The following ARHGAP31 variants were observed in gnomAD, a reference collection of about 807,000 sequenced individuals.
ARHGAP31 encodes the protein Rho GTPase activating protein 31, also known as rho GTPase-activating protein 31.
A neutral mutation model predicts 113.9 loss-of-function variants in ARHGAP31; 34 were observed. The ratio of observed to expected loss-of-function variants is 0.30; its 90% CI spans 0.23 to 0.40. The LOEUF is 0.40. Among genes scored for constraint, ARHGAP31 ranks in the 10% least tolerant of loss-of-function variants. ARHGAP31 has a pLI of 1.00. For synonymous variants in ARHGAP31, 650 were observed against 684.8 expected, an observed-to-expected ratio of 0.95 and a Z score of 0.79; for missense variants, 1,548 against 1,767.1, an observed-to-expected ratio of 0.88 and a Z score of 2.22.
intron 6 of ARHGAP31, among the ~76,000 whole-genome samples, chr3:119,386,757 T>A (rs982701330): frequency 1.3e-5 from 2 of 152,114 alleles, no homozygotes; most frequent in Non-Finnish European, 2.9e-5. Context: ...AGAATGTGAG[T>A]CACCTCCAAC....
At chr3:119,407,721 G>C (rs1401658518) in intron 10 of ARHGAP31, among the ~76,000 whole-genome samples, 1 of 152,198 alleles carries the variant, frequency 6.6e-6, no homozygotes, top group Non-Finnish European at 1.5e-5. Context: ...GGTTTGTCTT[G>C]AAGAATGGGT....
chr3:119,352,464 G>A (rs1284899329), intron 1 of ARHGAP31, among the ~76,000 whole-genome samples: 1 of 152,172 alleles, frequency 6.6e-6, no homozygotes, highest in Non-Finnish European at 1.5e-5. Context: ...AGAAATTTCA[G>A]GCAACAGCTA....
chr3:119,360,335 AC>A (rs1459677156), intron 1 of ARHGAP31, among the ~76,000 whole-genome samples: 1 of 152,246 alleles, frequency 6.6e-6, no homozygotes, highest in Non-Finnish European at 1.5e-5. Flanking sequence ...CCAAGTCAAG[AC>A]CTTAACAAAA....
intron 1 of ARHGAP31, among the ~76,000 whole-genome samples, chr3:119,333,833 T>A (rs1392839332): frequency 6.6e-6 from 1 of 152,254 alleles, no homozygotes; most frequent in Non-Finnish European, 1.5e-5. Flanking sequence ...GAGAAGTGTT[T>A]TATGACTGCT....
intron 2 of ARHGAP31, among the ~76,000 whole-genome samples, chr3:119,367,511 G>C (rs2064446546): frequency 6.6e-6 from 1 of 152,134 alleles, no homozygotes; most frequent in Admixed American, 6.5e-5. Context: ...GAATTCATCT[G>C]TCCTGTAGGA....
intron 1 of ARHGAP31, among the ~76,000 whole-genome samples, chr3:119,349,785 A>C (rs2080095222): frequency 6.6e-6 from 1 of 152,152 alleles, no homozygotes; most frequent in Admixed American, 6.5e-5. Flanking sequence ...TTTGCAGGGG[A>C]ATCTCCTGGA....
chr3:119,388,473 A>G (rs1226024563), intron 6 of ARHGAP31, among the ~76,000 whole-genome samples: 2 of 152,008 alleles, frequency 1.3e-5, no homozygotes, highest in African/African-American at 4.8e-5. Context: ...GAGGGTTTTG[A>G]GCAGGCCAGT....
Position 119,363,415 on chromosome 3 carries a change from C to T in ARHGAP31, c.101-1901C>T, listed in dbSNP as rs927028355. On this transcript the variant is annotated intron_variant, in intron 1 of 11. Coordinates refer to ENST00000264245, the MANE Select transcript of ARHGAP31 (RefSeq NM_020754.4). ...CACCCCCCATCACACCCTACTCCCA[C>T]GCTGTGCTCACTCCTAGGAAGTGGT... Among the ~76,000 whole-genome samples the T allele has an allele frequency of 7.9e-5, 12 of 152,316 alleles. No individual in the cohort carries two copies. In the East Asian group the frequency reaches 1.9e-3, roughly 24 times the overall value.
At chr3:119,359,253 G>A (rs529252907) in intron 1 of ARHGAP31, among the ~76,000 whole-genome samples, 7 of 151,944 alleles carry the variant, frequency 4.6e-5, no homozygotes, top group Admixed American at 1.3e-4. Context: ...CCTGACCTCA[G>A]GTGATCCACC....
At chr3:119,321,294 T>G (rs535045256) in intron 1 of ARHGAP31, among the ~76,000 whole-genome samples, 18 of 138,950 alleles carry the variant, frequency 1.3e-4, no homozygotes, top group African/African-American at 4.6e-4. Flanking sequence ...TATATATATA[T>G]AGTATATATA....
At chr3:119,350,848 C>G (rs2080104848) in intron 1 of ARHGAP31, among the ~76,000 whole-genome samples, 1 of 152,174 alleles carries the variant, frequency 6.6e-6, no homozygotes, top group Non-Finnish European at 1.5e-5. Context: ...AAAAATTACC[C>G]TAATGTTTTG....
intron 1 of ARHGAP31, among the ~76,000 whole-genome samples, chr3:119,347,751 G>T (rs551815049): frequency 6.6e-6 from 1 of 152,290 alleles, no homozygotes; most frequent in South Asian, 2.1e-4. Flanking sequence ...GCCTTACCTT[G>T]TGAAAGCTCA....
Position 119,300,201 on chromosome 3 carries a change from C to T in ARHGAP31, c.100+5197C>T, listed in dbSNP as rs115346481. Among the ~76,000 whole-genome samples, 672 of 152,236 alleles carry T rather than the reference C, an allele frequency of 4.4e-3. 4 individuals are homozygous for T. The highest frequency in any genetic ancestry group is 6.2e-3 in the Non-Finnish European group (420 of 68,012). ...TCATGAAATGATAATAAGATTGATA[C>T]GAAAATAAATGAGTTAATATGGGTA... On this transcript the variant is annotated intron_variant, in intron 1 of 11. Transcript: ENST00000264245.
At chr3:119,356,941 T>G (rs1264728182) in intron 1 of ARHGAP31, among the ~76,000 whole-genome samples, 2 of 152,268 alleles carry the variant, frequency 1.3e-5, no homozygotes, top group African/African-American at 4.8e-5. Flanking sequence ...AAAAGCTATG[T>G]GCACTTATAA....
intron 1 of ARHGAP31, among the ~76,000 whole-genome samples, chr3:119,345,431 G>C (rs1309846892): frequency 6.6e-6 from 1 of 152,206 alleles, no homozygotes; most frequent in Non-Finnish European, 1.5e-5. Flanking sequence ...GGCATGCCTG[G>C]TCTCAGTGGT....
intron 1 of ARHGAP31, chr3:119,324,890 T>C: frequency 4.4e-6 from 2 of 455,414 alleles, no homozygotes; most frequent in Non-Finnish European, 8.8e-6. Context: ...GTCTCTCAGT[T>C]TGCAGATCAG....
At position 119,402,195 on chromosome 3, in the gene ARHGAP31, C is replaced by A. The variant is rs533771578; in HGVS notation, c.1443C>A (p.Arg481=). The change falls in exon 10 of 12, where the codon CGC becomes CGA. Residue 481 remains arginine, a synonymous_variant. Coordinates refer to ENST00000264245, the MANE Select transcript of ARHGAP31 (RefSeq NM_020754.4). Reference sequence around the variant, plus strand: ...TGGAGCCCTCGCCGCGTAACCAGCGCAAGGCGCTGAACATCTCCGAGCCCT... The same window carrying A: ...TGGAGCCCTCGCCGCGTAACCAGCGAAAGGCGCTGAACATCTCCGAGCCCT... The part of the protein sequence containing the change: ...FQMEPSPRNQ[R]KALNISEPFA... 2 of 1,614,180 alleles carry A rather than the reference C, an allele frequency of 1.2e-6. No homozygotes were observed. Among genetic ancestry groups the A allele is most frequent in the Admixed American group, 1.7e-5 (1 of 60,018 alleles).
chr3:119,388,179 T>C (rs192325383), intron 6 of ARHGAP31, among the ~76,000 whole-genome samples: 1,911 of 152,262 alleles, frequency 0.013, 13 homozygotes, highest in Middle Eastern at 0.027. Flanking sequence ...TGGGAGAAAC[T>C]GTTCAAATTT....
chr3:119,298,890 A>G, intron 1 of ARHGAP31: 1 of 236,336 alleles, frequency 4.2e-6, no homozygotes, highest in Non-Finnish European at 8.7e-6. Flanking sequence ...TTATTGTGTG[A>G]GTTGTGCCAT....
Sources: allele counts gnomAD v4.1 joint callset (sites outside exome capture counted in the v4.1 genomes callset), GRCh38; gene constraint gnomAD v4.1.1; transcripts MANE v1.5; gene names NCBI Gene and HGNC (gene_info 2026-07-23, HGNC 2026-07-21).